Variants in C8orf34 observed in about 807,000 individuals in gnomAD.
C8orf34 encodes the protein uncharacterized protein C8orf34.
Under a neutral mutation model 68.3 loss-of-function variants are expected in C8orf34, and 65 were observed. That is an observed-to-expected ratio of 0.95 (90% confidence interval 0.78 to 1.17). The LOEUF (loss-of-function observed/expected upper bound fraction) is 1.17, where lower values mean the gene tolerates loss of function less well. Among genes scored for constraint, C8orf34 ranks in the 50% most tolerant of loss-of-function variants. The probability of loss-of-function intolerance (pLI) is 0.00; values close to 1 mark genes in which losing one functional copy is unlikely to be tolerated. For synonymous variants in C8orf34, 244 were observed against 241.2 expected (o/e 1.01, Z -0.11); for missense variants, 664 against 655.4 (o/e 1.01, Z -0.14).
At position 68,817,121 on chromosome 8, in the gene C8orf34, A is replaced by T. The variant is rs140595989; in HGVS notation, c.1610-1118A>T. ...TCAGAGAATAGCACAAGTCATTATC[A>T]TGGGTGATACAGCACCTATCATAGG... is the stretch of plus-strand genomic sequence containing the variant. On this transcript the variant is annotated intron_variant, in intron 13 of 13. Transcript: ENST00000518698. Among the ~76,000 whole-genome samples the T allele has an allele frequency of 6.5e-3, 994 of 152,310 alleles. 6 individuals are homozygous for T. The highest frequency in any genetic ancestry group is 0.014 in the Middle Eastern group (4 of 294).
chr8:68,411,175 A>C (rs1461804193), intron 1 of C8orf34, among the ~76,000 whole-genome samples: 1 of 152,196 alleles, frequency 6.6e-6, no homozygotes, highest in African/African-American at 2.4e-5. Context: ...TTCAATGTAT[A>C]TATGTGTAAG....
chr8:68,703,688 A>G (rs1198655358), intron 8 of C8orf34, among the ~76,000 whole-genome samples: 1 of 152,118 alleles, frequency 6.6e-6, no homozygotes, highest in African/African-American at 2.4e-5. Flanking sequence ...TTCAGTGGGC[A>G]CACCTCATTA....
chr8:68,508,744 A>G (rs2129633148), intron 5 of C8orf34, among the ~76,000 whole-genome samples: 1 of 152,292 alleles, frequency 6.6e-6, no homozygotes, highest in Non-Finnish European at 1.5e-5. Flanking sequence ...GTCTTTCTCA[A>G]GGGGATGACA....
At chr8:68,595,806 G>A (rs1233872704) in intron 7 of C8orf34, among the ~76,000 whole-genome samples, 3 of 151,878 alleles carry the variant, frequency 2.0e-5, no homozygotes, top group Non-Finnish European at 2.9e-5. Flanking sequence ...CTATGTTCAG[G>A]CAGAAATGCT....
At chr8:68,525,946 T>G (rs1229508458) in intron 6 of C8orf34, 1 of 240,758 alleles carries the variant, frequency 4.2e-6, no homozygotes, top group Non-Finnish European at 7.8e-6. Flanking sequence ...AGAGACAAAT[T>G]TCTTTCTTTC....
chr8:68,406,010 G>A (rs1056102915), intron 1 of C8orf34, among the ~76,000 whole-genome samples: 2 of 152,142 alleles, frequency 1.3e-5, no homozygotes, highest in Non-Finnish European at 2.9e-5. Flanking sequence ...CAAATAAAAG[G>A]CACAGATTAA....
intron 2 of C8orf34, among the ~76,000 whole-genome samples, chr8:68,444,274 T>A (rs896596829): frequency 6.6e-6 from 1 of 152,110 alleles, no homozygotes; most frequent in African/African-American, 2.4e-5. Flanking sequence ...ACAGTTATAT[T>A]TTTATTCATA....
At chr8:68,728,498 A>G (rs1221997112) in intron 10 of C8orf34, among the ~76,000 whole-genome samples, 2 of 152,148 alleles carry the variant, frequency 1.3e-5, no homozygotes, top group African/African-American at 2.4e-5. Context: ...GTACCAATTT[A>G]CTGTATTAGT....
intron 10 of C8orf34, among the ~76,000 whole-genome samples, chr8:68,740,728 C>T (rs1822264471): frequency 1.3e-5 from 2 of 152,132 alleles, no homozygotes; most frequent in Non-Finnish European, 2.9e-5. Context: ...CCAGCAATCC[C>T]ATTACTGGGT....
chr8:68,414,580 G>C (rs1448054147), intron 1 of C8orf34, among the ~76,000 whole-genome samples: 1 of 141,970 alleles, frequency 7.0e-6, no homozygotes, highest in Non-Finnish European at 1.6e-5. Context: ...ATTGTTTTTT[G>C]ATCTTGGGAA....
At chr8:68,506,565 C>T (rs777934100) in intron 5 of C8orf34, among the ~76,000 whole-genome samples, 3 of 152,018 alleles carry the variant, frequency 2.0e-5, no homozygotes, top group Non-Finnish European at 4.4e-5. Flanking sequence ...TTTTATTGCT[C>T]ATTTCTTTTC....
intron 1 of C8orf34, among the ~76,000 whole-genome samples, chr8:68,420,935 T>A (rs1488346287): frequency 1.3e-5 from 2 of 149,048 alleles, no homozygotes; most frequent in Admixed American, 1.3e-4. Context: ...TCTAATGCAG[T>A]AAGAAAATTT....
intron 3 of C8orf34, among the ~76,000 whole-genome samples, chr8:68,462,682 T>G (rs1050113261): frequency 3.3e-5 from 5 of 152,062 alleles, no homozygotes; most frequent in Non-Finnish European, 5.9e-5. Flanking sequence ...AACCTGCTCC[T>G]GAATGACTAC....
At chr8:68,464,375 C>G (rs963643129) in intron 3 of C8orf34, among the ~76,000 whole-genome samples, 1 of 151,974 alleles carries the variant, frequency 6.6e-6, no homozygotes, top group South Asian at 2.1e-4. Flanking sequence ...CCATACTGCC[C>G]AAGGTAATTT....
intron 11 of C8orf34, among the ~76,000 whole-genome samples, chr8:68,782,248 T>A (rs1300197939): frequency 1.3e-5 from 2 of 152,182 alleles, no homozygotes; most frequent in African/African-American, 4.8e-5. Flanking sequence ...TCTGAAATTT[T>A]ACTTCTGTTA....
chr8:68,783,076 AAAAAGAAAAAAG>A (rs1563667077), intron 11 of C8orf34, among the ~76,000 whole-genome samples: 1 of 151,538 alleles, frequency 6.6e-6, no homozygotes, highest in African/African-American at 2.4e-5. Context: ...TCAAAAAAAA[AAAAAGAAAAAAG>A]AAAAAGAAAA....
At chr8:68,468,250 T>C (rs963500421) in intron 3 of C8orf34, among the ~76,000 whole-genome samples, 1 of 152,060 alleles carries the variant, frequency 6.6e-6, no homozygotes, top group African/African-American at 2.4e-5. Context: ...CACTGTAATG[T>C]AATTTTAATG....
At chr8:68,592,102 A>G (rs1461974657) in intron 7 of C8orf34, among the ~76,000 whole-genome samples, 2 of 152,188 alleles carry the variant, frequency 1.3e-5, no homozygotes, top group Non-Finnish European at 2.9e-5. Flanking sequence ...AGTTTATAAC[A>G]CACTCATAAC....
intron 10 of C8orf34, among the ~76,000 whole-genome samples, chr8:68,745,496 C>T (rs1453626712): frequency 1.4e-4 from 22 of 152,164 alleles, no homozygotes; most frequent in Admixed American, 2.0e-4. Flanking sequence ...ACCCATCTCA[C>T]GTGCAGAGAC....
Sources: allele counts gnomAD v4.1 joint callset (sites outside exome capture counted in the v4.1 genomes callset), GRCh38; gene constraint gnomAD v4.1.1; transcripts MANE v1.5; gene names NCBI Gene and HGNC (gene_info 2026-07-23, HGNC 2026-07-21).